The following MYO10 variants were observed in gnomAD, a reference collection of about 807,000 sequenced individuals.
MYO10 encodes myosin X.
Under a neutral mutation model 257.3 loss-of-function variants are expected in MYO10, and 133 were observed. The ratio of observed to expected loss-of-function variants is 0.52; its 90% CI spans 0.45 to 0.60. The LOEUF (loss-of-function observed/expected upper bound fraction) is 0.60, where lower values mean the gene tolerates loss of function less well. MYO10 is among the 20% of genes least tolerant of loss of function. MYO10 has a pLI of 0.00. For synonymous variants in MYO10, 1,104 were observed against 1,028.6 expected (o/e 1.07, Z -1.40); for missense variants, 2,399 against 2,635.7 (o/e 0.91, Z 1.97).
At chr5:16,898,281 A>G (rs555772270) in intron 1 of MYO10, among the ~76,000 whole-genome samples, 2 of 152,264 alleles carry the variant, frequency 1.3e-5, no homozygotes, top group African/African-American at 4.8e-5. Context: ...GAAACAGGTA[A>G]GATTACTTTT....
chr5:16,901,771 C>T (rs1452989269), intron 1 of MYO10, among the ~76,000 whole-genome samples: 1 of 152,184 alleles, frequency 6.6e-6, no homozygotes, highest in Non-Finnish European at 1.5e-5. Context: ...TGTGCTACCC[C>T]AGTGCAGAGC....
Position 16,794,801 on chromosome 5 carries a change from G to A in MYO10, c.312C>T (p.Asn104=). The stretch of plus-strand genomic sequence containing the variant: ...ACAGCCCGGCGATGGGCTGGTAGGG[G>A]TTCACGGAGGCCAGGATGGAGCCGA... ...TYIGSILASV[N]PYQPIAGLYE... The change falls in exon 4 of 41, where the codon AAC becomes AAT. Residue 104 remains asparagine (N), a synonymous_variant. Transcript: ENST00000513610. The A allele has an allele frequency of 6.3e-7, 1 of 1,587,880 alleles. No homozygotes were observed. Among genetic ancestry groups the A allele is most frequent in the Non-Finnish European group, 8.6e-7 (1 of 1,166,778 alleles).
At position 16,794,738 on chromosome 5, in the gene MYO10, G is replaced by A. The variant is rs1741879940; in HGVS notation, c.375C>T (p.His125=). ...PATMEQYSRR[H]LGELPPHIFA... ...AGATGTGCGGGGGCAGCTCGCCCAG[G>A]TGGCGCCGGCTGTACTGCTCCATGG... Residue 125 remains histidine (H), a synonymous_variant, in exon 4 of 41, where the codon CAC becomes CAT. Coordinates refer to ENST00000513610, the MANE Select transcript of MYO10 (RefSeq NM_012334.3). The A allele has an allele frequency of 6.2e-7, 1 of 1,613,252 alleles. No homozygotes were observed. The highest frequency in any genetic ancestry group is 8.5e-7 in the Non-Finnish European group (1 of 1,179,628).
chr5:16,694,281 C>A, intron 27 of MYO10, 90 bp downstream of exon 27: 2 of 1,569,650 alleles, frequency 1.3e-6, no homozygotes, highest in Non-Finnish European at 1.7e-6. Context: ...AGGCTACTGC[C>A]GCTGCAAGGA....
Position 16,704,566 on chromosome 5 carries a change from G to C in MYO10, c.2276+13C>G, listed in dbSNP as rs368225780. 1.2e-6 allele frequency: 2 copies of C among 1,608,442 alleles called. No individual in the cohort carries two copies. The highest frequency in any genetic ancestry group is 1.7e-6 in the Non-Finnish European group (2 of 1,175,318). On this transcript the variant is annotated intron_variant, in intron 22 of 40. Transcript: ENST00000513610. ...GAGCTTCCTGCCTTATCCCCTCAGC[G>C]TGGGGTTCTTACCGTGCTAAGAAGC...
At chr5:16,743,630 G>A (rs1450787189) in intron 19 of MYO10, among the ~76,000 whole-genome samples, 1 of 151,574 alleles carries the variant, frequency 6.6e-6, no homozygotes, top group Non-Finnish European at 1.5e-5. Flanking sequence ...GTGAAAGAGT[G>A]AGACTCCATT....
rs1045260803 is a variant in MYO10, at chr5:16,844,410, T to G, written c.121-26243A>C. On this transcript the variant is annotated intron_variant, in intron 2 of 40. Coordinates refer to ENST00000513610, the MANE Select transcript of MYO10 (RefSeq NM_012334.3). ...CGATTTATCTAACTGGCTCTTCTCT[T>G]TTCATTTTTTTTTTAGTGTCACAAA... Among the ~76,000 whole-genome samples the G allele has an allele frequency of 5.3e-5, 8 of 150,486 alleles. No individual in the cohort carries two copies. In the East Asian group the frequency reaches 1.5e-3, roughly 29 times the overall value.
At chr5:16,709,869 A>C (rs1019012011) in intron 21 of MYO10, among the ~76,000 whole-genome samples, 1 of 149,834 alleles carries the variant, frequency 6.7e-6, no homozygotes, top group African/African-American at 2.5e-5. Context: ...ATCCGTCAGC[A>C]GTAAAAAATT....
chr5:16,726,685 T>A (rs952452247), intron 19 of MYO10, among the ~76,000 whole-genome samples: 2 of 152,206 alleles, frequency 1.3e-5, no homozygotes, highest in African/African-American at 4.8e-5. Context: ...CAATGGAGTA[T>A]ACTTCCTGGT....
chr5:16,678,752 T>G (rs1736849790), intron 33 of MYO10, among the ~76,000 whole-genome samples: 1 of 152,228 alleles, frequency 6.6e-6, no homozygotes, highest in Admixed American at 6.5e-5. Context: ...AGTTCCCTCT[T>G]GGATCTGGTT....
intron 1 of MYO10, among the ~76,000 whole-genome samples, chr5:16,878,905 G>A (rs1002800959): frequency 5.3e-5 from 8 of 150,952 alleles, no homozygotes; most frequent in South Asian, 2.1e-4. Flanking sequence ...TGATGGGTGC[G>A]CCAGAATCTC....
At chr5:16,673,930 G>A (rs957508438) in intron 35 of MYO10, 41 bp from the exon 36 acceptor site, 1 of 1,584,760 alleles carries the variant, frequency 6.3e-7, no homozygotes, top group East Asian at 2.2e-5. Context: ...AGACTGATGG[G>A]GGCTGGCTGC....
chr5:16,679,787 A>C (rs1294932467), intron 33 of MYO10, among the ~76,000 whole-genome samples, 160 bp downstream of exon 33: 1 of 151,724 alleles, frequency 6.6e-6, no homozygotes, highest in Non-Finnish European at 1.5e-5. Flanking sequence ...AGCCTTCCAA[A>C]GTGCTGGAAT....
intron 19 of MYO10, among the ~76,000 whole-genome samples, chr5:16,718,118 C>T (rs960119367): frequency 2.6e-5 from 4 of 152,238 alleles, no homozygotes; most frequent in Admixed American, 2.6e-4. Flanking sequence ...GGAGGGTGTA[C>T]TGGGTCCCCA....
At chr5:16,809,200 CCTGA>C (rs1234490145) in intron 3 of MYO10, among the ~76,000 whole-genome samples, 19 of 151,906 alleles carry the variant, frequency 1.3e-4, no homozygotes, top group Middle Eastern at 3.4e-3. Flanking sequence ...CCCAGAAAGT[CCTGA>C]CTGTGTTCAT....
In MYO10 at chr5:16,696,843, G is replaced by A. The variant is rs11950013; in HGVS notation, c.3557-2229C>T. 2.1e-3 allele frequency among the ~76,000 whole-genome samples: 284 copies of A among 137,268 alleles called. 1 individual carries two copies. Among genetic ancestry groups the A allele is most frequent in the African/African-American group, 7.4e-3 (265 of 35,792 alleles). The allele number at this position is 137,268 out of a possible 152,430, so 90.1% of individuals were successfully genotyped here. On this transcript the variant is annotated intron_variant, in intron 26 of 40. Transcript: ENST00000513610. ...TGCACTCCAGCCTGGGTGACAGAGC[G>A]AGACTCTGTCTCAAAAAAAAAAAAA...
At chr5:16,892,646 CACAA>C (rs541123622) in intron 1 of MYO10, among the ~76,000 whole-genome samples, 17 of 151,616 alleles carry the variant, frequency 1.1e-4, no homozygotes, top group Non-Finnish European at 2.1e-4. Context: ...CTATCTCAAA[CACAA>C]ACAAACAAAC....
In MYO10 at chr5:16,662,772, G is replaced by T. The variant is rs1407339587; in HGVS notation, c.*3920C>A. On this transcript the variant is annotated 3_prime_UTR_variant, in exon 41 of 41. Coordinates refer to ENST00000513610, the MANE Select transcript of MYO10 (RefSeq NM_012334.3). Reference sequence around the variant, plus strand: ...GAATCATGGGGGTGGGTTTTCCCATGCTGTTCTTGTCCATAGTGAGTATGT... The same window carrying T: ...GAATCATGGGGGTGGGTTTTCCCATTCTGTTCTTGTCCATAGTGAGTATGT... 6.6e-6 allele frequency: 1 copy of T among 152,126 alleles called. No individual in the cohort carries two copies. Among genetic ancestry groups the T allele is most frequent in the Non-Finnish European group, 1.5e-5 (1 of 68,024 alleles). The allele number at this position is 152,126 out of a possible 1,614,324, so 9.4% of individuals were successfully genotyped here.
intron 10 of MYO10, 132 bp downstream of exon 10, chr5:16,768,941 GC>G (rs1194590672): frequency 7.9e-6 from 9 of 1,135,736 alleles, no homozygotes; most frequent in Non-Finnish European, 1.1e-5. Context: ...CTCCCAAAGT[GC>G]TGGGGTTACA....
Sources: gnomAD v4.1 joint callset for allele counts (sites outside exome capture counted in the v4.1 genomes callset) on GRCh38, gnomAD v4.1.1 for gene constraint, MANE v1.5 for transcripts, NCBI Gene and HGNC (gene_info 2026-07-23, HGNC 2026-07-21) for gene names.